The following AKAP19 variants were observed in gnomAD, a reference collection of about 807,000 sequenced individuals.
AKAP19 encodes small A-kinase anchoring protein.
At chr2:189,956,641 C>T in the AKAP19 span, among the ~76,000 whole-genome samples, 1 of 152,118 alleles carries the variant, frequency 6.6e-6, no homozygotes, top group Non-Finnish European at 1.5e-5. Flanking sequence ...TGCAGTGGCA[C>T]AATCATGGCT....
At chr2:190,134,660 A>G in the AKAP19 span, among the ~76,000 whole-genome samples, 7 of 113,174 alleles carry the variant, frequency 6.2e-5, no homozygotes, top group East Asian at 1.6e-3. Context: ...CTTATTTCCT[A>G]TTCCCAGATC....
At chr2:190,037,192 C>G in the AKAP19 span, among the ~76,000 whole-genome samples, 1 of 152,178 alleles carries the variant, frequency 6.6e-6, no homozygotes, top group Non-Finnish European at 1.5e-5. Context: ...TTGGGACTTT[C>G]TAAGACTTGA....
At chr2:190,139,346 A>G in the AKAP19 span, among the ~76,000 whole-genome samples, 3 of 152,204 alleles carry the variant, frequency 2.0e-5, no homozygotes, top group Non-Finnish European at 4.4e-5. Flanking sequence ...AGAAAAGGCC[A>G]TTATGAAAGG....
At chr2:189,937,235 C>A in the AKAP19 span, among the ~76,000 whole-genome samples, 3 of 152,066 alleles carry the variant, frequency 2.0e-5, no homozygotes, top group African/African-American at 7.2e-5. Context: ...GGACTGACTA[C>A]AAAGGAACCT....
the AKAP19 span, among the ~76,000 whole-genome samples, chr2:190,015,167 A>T: frequency 6.6e-6 from 1 of 152,028 alleles, no homozygotes; most frequent in African/African-American, 2.4e-5. Flanking sequence ...GGGGCTCCAA[A>T]CCCACATTTC....
chr2:190,132,393 A>AT, the AKAP19 span, among the ~76,000 whole-genome samples: 2 of 152,244 alleles, frequency 1.3e-5, no homozygotes, highest in Admixed American at 1.3e-4. Flanking sequence ...ATTTCAAAAT[A>AT]TAAGGCAAGG....
At chr2:189,958,457 T>A in the AKAP19 span, among the ~76,000 whole-genome samples, 1 of 150,458 alleles carries the variant, frequency 6.6e-6, no homozygotes, top group African/African-American at 2.4e-5. Flanking sequence ...AGAAAATAAT[T>A]TGACATAAAT....
At chr2:189,898,437 T>G in the AKAP19 span, among the ~76,000 whole-genome samples, 10 of 152,260 alleles carry the variant, frequency 6.6e-5, no homozygotes, top group East Asian at 1.9e-3. Context: ...AAACATAATT[T>G]CCCACCTACT....
the AKAP19 span, among the ~76,000 whole-genome samples, chr2:189,909,207 AATAT>A: frequency 1.3e-5 from 2 of 151,566 alleles, no homozygotes; most frequent in African/African-American, 4.8e-5. Flanking sequence ...ATTTGCATAT[AATAT>A]ATATATATTT....
the AKAP19 span, among the ~76,000 whole-genome samples, chr2:190,177,460 T>C: frequency 1.3e-5 from 2 of 152,184 alleles, no homozygotes; most frequent in Non-Finnish European, 2.9e-5. The surrounding 1 kb of genome is among the most constrained non-coding windows in gnomAD (Gnocchi z 4.6). Flanking sequence ...AGAGCCCCAG[T>C]GGCAGACAAG....
the AKAP19 span, among the ~76,000 whole-genome samples, chr2:189,997,296 C>A: frequency 6.6e-6 from 1 of 152,250 alleles, no homozygotes; most frequent in South Asian, 2.1e-4. Flanking sequence ...CTAAGTTGGC[C>A]AGGATAAATA....
the AKAP19 span, among the ~76,000 whole-genome samples, chr2:189,988,110 G>A: frequency 6.6e-6 from 1 of 152,042 alleles, no homozygotes; most frequent in Admixed American, 6.6e-5. Flanking sequence ...CCTGGGTGGG[G>A]GCCACAGAAC....
chr2:189,893,738 C>T, the AKAP19 span, among the ~76,000 whole-genome samples: 138 of 152,012 alleles, frequency 9.1e-4, no homozygotes, highest in South Asian at 4.0e-3. Context: ...GTTCTGCATT[C>T]GTAAGTTCAA....
chr2:189,980,527 G>A, the AKAP19 span, among the ~76,000 whole-genome samples: 1 of 152,066 alleles, frequency 6.6e-6, no homozygotes, highest in Admixed American at 6.6e-5. Context: ...TAGAGATGGG[G>A]TCTCACCATG....
the AKAP19 span, among the ~76,000 whole-genome samples, chr2:190,156,201 T>C: frequency 8.5e-5 from 13 of 152,064 alleles, no homozygotes; most frequent in Non-Finnish European, 1.5e-4. Flanking sequence ...ATAAAAATGG[T>C]ATTTCAGTTA....
At chr2:189,894,009 C>G in the AKAP19 span, among the ~76,000 whole-genome samples, 1 of 151,970 alleles carries the variant, frequency 6.6e-6, no homozygotes, top group African/African-American at 2.4e-5. Flanking sequence ...CATTATAGTA[C>G]CATTAGGAAA....
At chr2:190,003,085 A>G in the AKAP19 span, among the ~76,000 whole-genome samples, 5 of 152,034 alleles carry the variant, frequency 3.3e-5, no homozygotes, top group Non-Finnish European at 5.9e-5. Flanking sequence ...ATTAGAATTA[A>G]AAGATAACAA....
At chr2:189,985,141 A>G in the AKAP19 span, among the ~76,000 whole-genome samples, 1 of 152,298 alleles carries the variant, frequency 6.6e-6, no homozygotes, top group East Asian at 1.9e-4. Flanking sequence ...GTAGGGCTCC[A>G]AGTTCTTTGG....
chr2:190,080,092 ATAT>A, the AKAP19 span: 1 of 152,096 alleles, frequency 6.6e-6, no homozygotes, highest in Non-Finnish European at 1.5e-5. Flanking sequence ...GTCTGTGCAG[ATAT>A]TATAGAATTC....
Sources: allele counts gnomAD v4.1 joint callset (sites outside exome capture counted in the v4.1 genomes callset), GRCh38; gene constraint gnomAD v4.1.1; non-coding constraint Gnocchi (gnomAD v3.1); transcripts MANE v1.5; gene names NCBI Gene and HGNC (gene_info 2026-07-23, HGNC 2026-07-21).